The following PRIM2 variants were observed in gnomAD, a reference collection of about 807,000 sequenced individuals.
PRIM2 encodes the protein DNA primase large subunit.
In PRIM2, 39 loss-of-function variants were observed where a neutral mutation model predicts 67.3. The ratio of observed to expected loss-of-function variants is 0.58; its 90% CI spans 0.45 to 0.76. The LOEUF (loss-of-function observed/expected upper bound fraction) is 0.76, where lower values mean the gene tolerates loss of function less well. Ranked by LOEUF, PRIM2 falls within the 30% of genes least tolerant of loss-of-function variation. The probability of loss-of-function intolerance (pLI) is 0.00; values close to 1 mark genes in which losing one functional copy is unlikely to be tolerated. For synonymous variants in PRIM2, 143 were observed against 198.7 expected (o/e 0.72, Z 2.36); for missense variants, 398 against 598.7 (o/e 0.66, Z 3.50).
intron 5 of PRIM2, among the ~76,000 whole-genome samples, chr6:57,352,899 C>T (rs1375804157): frequency 1.3e-5 from 2 of 151,918 alleles, no homozygotes; most frequent in Non-Finnish European, 2.9e-5. Context: ...CTTCCTTCTG[C>T]TTTAATAGTA....
At chr6:57,579,284 C>T in intron 10 of PRIM2, among the ~76,000 whole-genome samples, 1 of 151,982 alleles carries the variant, frequency 6.6e-6, no homozygotes, top group Non-Finnish European at 1.5e-5. Context: ...TCGCCTACAA[C>T]AGGAGGCTTA....
At position 57,620,195 on chromosome 6, in the gene PRIM2, C is replaced by CA. The variant is rs1203804792; in HGVS notation, c.1231-11930dup. ...TGGGTGACAGAGTGAGACTCCATCT[C>CA]AAAAAAAAGACAAAGAACACCCAAG... is the stretch of plus-strand genomic sequence containing the variant. On this transcript the variant is annotated intron_variant, in intron 12 of 13. Transcript: ENST00000615550. Among the ~76,000 whole-genome samples the CA allele has an allele frequency of 1.1e-4, 16 of 151,482 alleles. No homozygotes were observed. The East Asian group carries it at 1.5e-3, about 15-fold the overall frequency.
chr6:57,281,306 A>T, the PRIM2 span, among the ~76,000 whole-genome samples: 2 of 152,086 alleles, frequency 1.3e-5, no homozygotes, highest in Non-Finnish European at 2.9e-5. Context: ...TTTCTTTTGT[A>T]TATATACCCA....
intron 10 of PRIM2, among the ~76,000 whole-genome samples, chr6:57,560,674 A>G (rs1775607667): frequency 6.7e-6 from 1 of 150,362 alleles, no homozygotes; most frequent in African/African-American, 2.5e-5. Context: ...GCATGAAAAC[A>G]TTAATCTTAT....
intron 7 of PRIM2, among the ~76,000 whole-genome samples, chr6:57,413,532 T>A (rs1402970053): frequency 1.3e-5 from 2 of 152,026 alleles, no homozygotes; most frequent in African/African-American, 2.4e-5. Context: ...AAATTAGAAC[T>A]AATGGACAAC....
chr6:57,415,865 C>T (rs368862577), intron 7 of PRIM2, among the ~76,000 whole-genome samples: 1 of 152,104 alleles, frequency 6.6e-6, no homozygotes, highest in Non-Finnish European at 1.5e-5. Flanking sequence ...CTGTTTAGTC[C>T]CATCTTCAGG....
At chr6:57,605,971 A>T (rs1353074620) in intron 11 of PRIM2, among the ~76,000 whole-genome samples, 1 of 148,958 alleles carries the variant, frequency 6.7e-6, no homozygotes, top group Non-Finnish European at 1.5e-5. Flanking sequence ...CATTTTGTTT[A>T]TCTATCTTCC....
chr6:57,537,343 T>TA (rs1487493118), intron 9 of PRIM2, 97 bp from the exon 10 acceptor site: 72 of 593,066 alleles, frequency 1.2e-4, no homozygotes, highest in African/African-American at 1.2e-3. Context: ...GTTTTTTTTT[T>TA]ATTCCAATTA....
At chr6:57,475,650 C>T (rs1267065590) in intron 7 of PRIM2, among the ~76,000 whole-genome samples, 14,019 of 152,246 alleles carry the variant, frequency 0.092, 715 homozygotes, top group East Asian at 0.2. Flanking sequence ...CTGCCACAGC[C>T]AACGTCCTGC....
intron 12 of PRIM2, among the ~76,000 whole-genome samples, chr6:57,625,302 G>A (rs1389531490): frequency 6.6e-6 from 1 of 152,174 alleles, no homozygotes; most frequent in African/African-American, 2.4e-5. Flanking sequence ...ATGAAAAATG[G>A]ATTCTGGGGA....
intron 7 of PRIM2, chr6:57,383,475 A>G (rs1770028943): frequency 6.7e-6 from 1 of 149,624 alleles, no homozygotes; most frequent in Admixed American, 6.8e-5. Context: ...GATCATAGTC[A>G]TTTCCTTCTT....
intron 5 of PRIM2, among the ~76,000 whole-genome samples, chr6:57,338,402 C>CA (rs1768346347): frequency 6.6e-6 from 1 of 151,386 alleles, no homozygotes; most frequent in African/African-American, 2.4e-5. Context: ...AGAGACACAA[C>CA]CAAAAAAGAG....
the PRIM2 span, among the ~76,000 whole-genome samples, chr6:57,284,157 A>G: frequency 1.3e-5 from 2 of 152,302 alleles, no homozygotes; most frequent in Admixed American, 1.3e-4. Context: ...GGGAAAGAAG[A>G]ACATGAAAGA....
intron 10 of PRIM2, among the ~76,000 whole-genome samples, chr6:57,577,792 T>A (rs1429808191): frequency 6.6e-6 from 1 of 152,088 alleles, no homozygotes; most frequent in Non-Finnish European, 1.5e-5. Flanking sequence ...ATACAAAGAG[T>A]TCCATATACT....
At chr6:57,637,684 G>A (rs1265625221) in intron 13 of PRIM2, among the ~76,000 whole-genome samples, 1 of 152,096 alleles carries the variant, frequency 6.6e-6, no homozygotes, top group Non-Finnish European at 1.5e-5. Context: ...ATGAAATAAA[G>A]CAAGAAGACG....
chr6:57,392,870 A>G (rs1370691494), intron 7 of PRIM2, among the ~76,000 whole-genome samples: 1 of 151,826 alleles, frequency 6.6e-6, no homozygotes, highest in Non-Finnish European at 1.5e-5. Context: ...CATAGCTCCC[A>G]CATATCAGTG....
intron 10 of PRIM2, among the ~76,000 whole-genome samples, chr6:57,576,279 A>G (rs1189792711): frequency 3.3e-5 from 5 of 151,992 alleles, no homozygotes; most frequent in Non-Finnish European, 7.4e-5. Context: ...TGTGCTTTTA[A>G]AAATTATTAG....
chr6:57,361,298 A>G (rs1769192205), intron 5 of PRIM2, among the ~76,000 whole-genome samples: 1 of 152,208 alleles, frequency 6.6e-6, no homozygotes, highest in South Asian at 2.1e-4. Context: ...TTCTGAGTGC[A>G]TCGTGGCCTC....
intron 8 of PRIM2, among the ~76,000 whole-genome samples, chr6:57,515,405 A>C (rs1774461976): frequency 1.3e-5 from 2 of 152,366 alleles, no homozygotes; most frequent in South Asian, 4.1e-4. Context: ...GGAGATAAGA[A>C]CAAAGAACAG....
Sources: gnomAD v4.1 joint callset for allele counts (sites outside exome capture counted in the v4.1 genomes callset) on GRCh38, gnomAD v4.1.1 for gene constraint, MANE v1.5 for transcripts, NCBI Gene and HGNC (gene_info 2026-07-23, HGNC 2026-07-21) for gene names.